Variants in AFG2A observed in about 807,000 individuals in gnomAD.
AFG2A encodes ATPase family gene 2 protein homolog A.
chr4:122,992,704 T>C, the AFG2A span, among the ~76,000 whole-genome samples: 3 of 152,202 alleles, frequency 2.0e-5, no homozygotes, highest in Non-Finnish European at 4.4e-5. Flanking sequence ...GATGGAAATA[T>C]TGCCAGTGAA....
chr4:123,153,542 G>A, the AFG2A span, among the ~76,000 whole-genome samples: 629 of 152,224 alleles, frequency 4.1e-3, 1 homozygote, highest in African/African-American at 0.014. Flanking sequence ...GTTTGCACCC[G>A]TCTTTAACCC....
the AFG2A span, among the ~76,000 whole-genome samples, chr4:123,059,038 G>A: frequency 5.9e-5 from 9 of 151,996 alleles, no homozygotes; most frequent in African/African-American, 9.6e-5. Flanking sequence ...AAATACACCC[G>A]TTCCAAATGG....
chr4:123,069,336 A>C, the AFG2A span, among the ~76,000 whole-genome samples: 1 of 152,106 alleles, frequency 6.6e-6, no homozygotes, highest in Non-Finnish European at 1.5e-5. Flanking sequence ...TTTTTGCGTA[A>C]ACAAGCACCT....
chr4:122,949,341 C>G, the AFG2A span, among the ~76,000 whole-genome samples: 3 of 152,130 alleles, frequency 2.0e-5, no homozygotes, highest in African/African-American at 7.2e-5. Flanking sequence ...TATGCCATCT[C>G]ACGTTGTTGG....
chr4:122,961,398 T>C, the AFG2A span, among the ~76,000 whole-genome samples: 4 of 152,246 alleles, frequency 2.6e-5, no homozygotes, highest in Non-Finnish European at 1.5e-5. Flanking sequence ...AATCCTTTGC[T>C]TTGCTAAAGT....
At chr4:123,318,917 C>T in the AFG2A span, 2 of 152,184 alleles carry the variant, frequency 1.3e-5, no homozygotes, top group African/African-American at 4.8e-5. Context: ...TTTTTGGCAT[C>T]TGTTTGGTTG....
chr4:123,050,492 G>C, the AFG2A span, among the ~76,000 whole-genome samples: 1 of 151,892 alleles, frequency 6.6e-6, no homozygotes, highest in East Asian at 1.9e-4. Flanking sequence ...TCCACTGTTG[G>C]GTGCATGTTT....
the AFG2A span, among the ~76,000 whole-genome samples, chr4:123,158,279 C>G: frequency 6.6e-6 from 1 of 152,164 alleles, no homozygotes; most frequent in South Asian, 2.1e-4. Context: ...TGCTCTATTT[C>G]TTTTGTACAT....
the AFG2A span, among the ~76,000 whole-genome samples, chr4:123,019,777 T>C: frequency 6.6e-6 from 1 of 152,228 alleles, no homozygotes; most frequent in Non-Finnish European, 1.5e-5. Context: ...TTGGACATTA[T>C]TGCACTCATC....
At chr4:123,181,957 ATATGGC>A in the AFG2A span, among the ~76,000 whole-genome samples, 1 of 152,196 alleles carries the variant, frequency 6.6e-6, no homozygotes, top group Non-Finnish European at 1.5e-5. Flanking sequence ...AGGTCAAGCT[ATATGGC>A]ATGTGAATTC....
At chr4:123,041,139 C>A in the AFG2A span, among the ~76,000 whole-genome samples, 1 of 151,390 alleles carries the variant, frequency 6.6e-6, no homozygotes, top group African/African-American at 2.4e-5. Context: ...GAGACGGAGT[C>A]TTGCTCTGTC....
At chr4:123,020,314 G>T in the AFG2A span, among the ~76,000 whole-genome samples, 1 of 151,236 alleles carries the variant, frequency 6.6e-6, no homozygotes, top group African/African-American at 2.4e-5. Context: ...GAAATTGCTT[G>T]TATTCCTATC....
the AFG2A span, among the ~76,000 whole-genome samples, chr4:123,068,809 G>A: frequency 7.9e-5 from 12 of 152,194 alleles, no homozygotes; most frequent in African/African-American, 2.6e-4. Context: ...TTCAGAGTTC[G>A]ACTTAGTGCC....
At chr4:123,185,120 G>T in the AFG2A span, among the ~76,000 whole-genome samples, 22 of 152,260 alleles carry the variant, frequency 1.4e-4, no homozygotes, top group African/African-American at 5.1e-4. Context: ...TCCCAGAAAT[G>T]AAGTTGGTTG....
chr4:123,187,363 A>T, the AFG2A span, among the ~76,000 whole-genome samples: 1 of 152,208 alleles, frequency 6.6e-6, no homozygotes, highest in Non-Finnish European at 1.5e-5. Flanking sequence ...AATGGCTGAA[A>T]CCACTTATAA....
At chr4:123,108,224 A>C in the AFG2A span, among the ~76,000 whole-genome samples, 1 of 152,320 alleles carries the variant, frequency 6.6e-6, no homozygotes, top group African/African-American at 2.4e-5. Flanking sequence ...TGCTGGAGAG[A>C]TTCTTAGAGA....
chr4:123,233,732 T>C, the AFG2A span, among the ~76,000 whole-genome samples: 2 of 152,020 alleles, frequency 1.3e-5, no homozygotes, highest in Non-Finnish European at 2.9e-5. Context: ...TGTGTGTGTG[T>C]GTGTGTGTAT....
the AFG2A span, among the ~76,000 whole-genome samples, chr4:122,945,939 CCTGA>C: frequency 9.2e-5 from 14 of 152,308 alleles, no homozygotes; most frequent in African/African-American, 3.1e-4. Flanking sequence ...GTGGAGGCTG[CCTGA>C]CTAACTGGTT....
At chr4:123,141,013 A>G in the AFG2A span, among the ~76,000 whole-genome samples, 1 of 152,126 alleles carries the variant, frequency 6.6e-6, no homozygotes, top group East Asian at 1.9e-4. Flanking sequence ...ATAACACACA[A>G]TTTTGAGATT....
Sources: gnomAD v4.1 joint callset for allele counts (sites outside exome capture counted in the v4.1 genomes callset) on GRCh38, gnomAD v4.1.1 for gene constraint, MANE v1.5 for transcripts, NCBI Gene and HGNC (gene_info 2026-07-23, HGNC 2026-07-21) for gene names.